Variants in ADCYAP1R1 observed in about 807,000 individuals in gnomAD.
ADCYAP1R1 encodes the protein ADCYAP receptor type I, also known as pituitary adenylate cyclase-activating polypeptide type I receptor.
A neutral mutation model predicts 67.6 loss-of-function variants in ADCYAP1R1; 44 were observed. The ratio of observed to expected loss-of-function variants is 0.65; its 90% CI spans 0.51 to 0.84. The LOEUF is 0.84. Among genes scored for constraint, ADCYAP1R1 ranks in the 40% least tolerant of loss-of-function variants. ADCYAP1R1 has a pLI of 0.00. For synonymous variants in ADCYAP1R1, 222 were observed against 219.6 expected (o/e 1.01, Z -0.10); for missense variants, 477 against 587.9 (o/e 0.81, Z 1.95).
intron 11 of ADCYAP1R1, 130 bp downstream of exon 11, chr7:31,087,133 C>G: frequency 1.9e-6 from 2 of 1,065,010 alleles, no homozygotes; most frequent in East Asian, 5.0e-5. Flanking sequence ...GACTAAAGCC[C>G]AGCACTGGGC....
chr7:31,085,586 G>C, intron 9 of ADCYAP1R1, 144 bp downstream of exon 9: 2 of 967,110 alleles, frequency 2.1e-6, no homozygotes, highest in Non-Finnish European at 2.9e-6. Context: ...CACCCCCCCG[G>C]TTTATGTGAA....
intron 4 of ADCYAP1R1, among the ~76,000 whole-genome samples, chr7:31,080,267 T>G (rs1052342047): frequency 6.6e-6 from 1 of 152,226 alleles, no homozygotes; most frequent in Non-Finnish European, 1.5e-5. Flanking sequence ...GAGACTTGCC[T>G]TGAATACTTT....
intron 1 of ADCYAP1R1, among the ~76,000 whole-genome samples, chr7:31,061,682 C>T (rs2128615579): frequency 6.6e-6 from 1 of 152,336 alleles, no homozygotes; most frequent in African/African-American, 2.4e-5. Flanking sequence ...AGCCTTCCTG[C>T]AGCTGGTTTT....
In ADCYAP1R1 at chr7:31,059,963, A is replaced by G. The variant is rs529810848; in HGVS notation, c.-71-3231A>G. ...GACTGTAATGGGTGTGGGGACCAAG[A>G]GAAGGTAACAGTGGGAATCAAGAAC... On this transcript the variant is annotated intron_variant, in intron 1 of 15. Coordinates refer to ENST00000304166, the MANE Select transcript of ADCYAP1R1 (RefSeq NM_001118.5). Among the ~76,000 whole-genome samples, 52 of 152,100 alleles carry G rather than the reference A, an allele frequency of 3.4e-4. 1 individual carries two copies. Among genetic ancestry groups the G allele is most frequent in the African/African-American group, 1.2e-3 (48 of 41,480 alleles).
At chr7:31,063,852 A>G (rs771147597) in intron 2 of ADCYAP1R1, among the ~76,000 whole-genome samples, 6 of 152,304 alleles carry the variant, frequency 3.9e-5, no homozygotes, top group Non-Finnish European at 7.4e-5. Context: ...CTGTGTGGCC[A>G]TAGACAAGCC....
chr7:31,080,493 T>G, intron 4 of ADCYAP1R1, 120 bp from the exon 5 acceptor site: 4 of 985,834 alleles, frequency 4.1e-6, no homozygotes, highest in Non-Finnish European at 6.1e-6. Flanking sequence ...CCCTCTTTAA[T>G]GTTTGGGGTT....
intron 2 of ADCYAP1R1, 131 bp downstream of exon 2, chr7:31,063,446 G>A: frequency 2.1e-6 from 2 of 950,182 alleles, no homozygotes; most frequent in Admixed American, 4.0e-5. Context: ...ACCACCACTG[G>A]GCCACCCAGT....
In ADCYAP1R1 at chr7:31,103,259, C is replaced by T; in HGVS notation, c.1069C>T (p.Leu357=). 6.2e-7 allele frequency: 1 copy of T among 1,614,140 alleles called. No individual in the cohort carries two copies. The highest frequency in any genetic ancestry group is 1.1e-5 in the South Asian group (1 of 91,076). Residue 357 remains leucine, a synonymous_variant, in exon 14 of 16, where the codon CTG becomes TTG. Coordinates refer to ENST00000304166, the MANE Select transcript of ADCYAP1R1 (RefSeq NM_001118.5). ...IYLRLARSTL[L]LIPLFGIHYT... ...CAGGCGACTGGCCCGGTCCACCCTGCTGCTCATCCCACTATTCGGAATCCA... is the reference window on the plus strand; with the variant it reads ...CAGGCGACTGGCCCGGTCCACCCTGTTGCTCATCCCACTATTCGGAATCCA...
chr7:31,101,836 C>T (rs1170374702), intron 13 of ADCYAP1R1, among the ~76,000 whole-genome samples: 1 of 152,210 alleles, frequency 6.6e-6, no homozygotes, highest in Non-Finnish European at 1.5e-5. Context: ...GAAGGATGGA[C>T]TGGTCAGGAT....
intron 4 of ADCYAP1R1, among the ~76,000 whole-genome samples, chr7:31,078,659 G>C (rs191648112): frequency 1.3e-5 from 2 of 152,348 alleles, no homozygotes; most frequent in Admixed American, 1.3e-4. Context: ...GAGCCACTTA[G>C]ACGCAGGCAC....
At chr7:31,098,269 A>G (rs1796288437) in intron 13 of ADCYAP1R1, among the ~76,000 whole-genome samples, 2 of 152,234 alleles carry the variant, frequency 1.3e-5, no homozygotes, top group African/African-American at 4.8e-5. Flanking sequence ...CCATTTCTGT[A>G]TACCCAGTTA....
chr7:31,081,998 A>C (rs1441767086), intron 6 of ADCYAP1R1, among the ~76,000 whole-genome samples: 1 of 152,234 alleles, frequency 6.6e-6, no homozygotes, highest in African/African-American at 2.4e-5. Flanking sequence ...GTGGACTTCA[A>C]ATAAAGAGCT....
chr7:31,076,637 C>T (rs550427102), intron 3 of ADCYAP1R1, among the ~76,000 whole-genome samples: 65 of 152,316 alleles, frequency 4.3e-4, no homozygotes, highest in Non-Finnish European at 6.5e-4. Flanking sequence ...CTTCTGGTTC[C>T]GGGTCCTTTC....
At chr7:31,091,764 A>AAAC (rs1228279735) in intron 12 of ADCYAP1R1, among the ~76,000 whole-genome samples, 1 of 152,162 alleles carries the variant, frequency 6.6e-6, no homozygotes, top group Non-Finnish European at 1.5e-5. Context: ...TGCCCTCATG[A>AAAC]AACAGCCTTT....
chr7:31,091,891 A>T (rs1795975644), intron 12 of ADCYAP1R1, among the ~76,000 whole-genome samples: 1 of 151,828 alleles, frequency 6.6e-6, no homozygotes, highest in Non-Finnish European at 1.5e-5. Flanking sequence ...TTTTATAATT[A>T]TTAATTTCTT....
intron 1 of ADCYAP1R1, among the ~76,000 whole-genome samples, chr7:31,062,649 A>G (rs139945295): frequency 4.9e-4 from 74 of 152,304 alleles, no homozygotes; most frequent in African/African-American, 1.6e-3. Flanking sequence ...GTTCACGTCC[A>G]CACTGTCAAA....
At position 31,106,866 on chromosome 7, in the gene ADCYAP1R1, T is replaced by A; in HGVS notation, c.*182T>A. 1 of 728,400 alleles carries A rather than the reference T, an allele frequency of 1.4e-6. No individual in the cohort carries two copies. Among genetic ancestry groups the A allele is most frequent in the Non-Finnish European group, 2.2e-6 (1 of 464,354 alleles). 45.1% of individuals were successfully genotyped at this position (728,400 alleles called of 1,614,324 possible). A position where few individuals can be genotyped will look rare whatever the true frequency, so the allele number is the denominator to read the frequency against. On this transcript the variant is annotated 3_prime_UTR_variant, in exon 16 of 16. Coordinates refer to ENST00000304166, the MANE Select transcript of ADCYAP1R1 (RefSeq NM_001118.5). Reference sequence around the variant, plus strand: ...AATTGTCCCCTCCTTGTTTTGGTACTGGTCCCACCCACTGTGGTCCCCTGG... The same window carrying A: ...AATTGTCCCCTCCTTGTTTTGGTACAGGTCCCACCCACTGTGGTCCCCTGG...
At chr7:31,096,919 A>G (rs1156256386) in intron 13 of ADCYAP1R1, among the ~76,000 whole-genome samples, 1 of 152,190 alleles carries the variant, frequency 6.6e-6, no homozygotes, top group East Asian at 1.9e-4. Flanking sequence ...CTGCCTGCAA[A>G]GGGCTCCCTG....
intron 15 of ADCYAP1R1, 80 bp downstream of exon 15, chr7:31,104,989 A>T: frequency 1.4e-6 from 2 of 1,422,702 alleles, no homozygotes; most frequent in Non-Finnish European, 2.0e-6. Flanking sequence ...CCTGTTGGCC[A>T]CATGGGACTG....
Sources: gnomAD v4.1 joint callset for allele counts (sites outside exome capture counted in the v4.1 genomes callset) on GRCh38, gnomAD v4.1.1 for gene constraint, MANE v1.5 for transcripts, NCBI Gene and HGNC (gene_info 2026-07-23, HGNC 2026-07-21) for gene names.